ATP13A5: variants seen among roughly 807,000 people sequenced by gnomAD.
The protein encoded by ATP13A5 is probable cation-transporting ATPase 13A5.
ATP13A5 carries 149 observed loss-of-function variants against 150.2 expected under a neutral mutation model. The observed-to-expected ratio is 0.99, with a 90% CI of 0.87 to 1.14. The LOEUF is 1.14. ATP13A5 is among the 50% of genes most tolerant of loss of function. The pLI, the probability that ATP13A5 is intolerant of heterozygous loss-of-function variation, is 0.00. For missense variants in ATP13A5, 1,383 were observed against 1,449.3 expected, an observed-to-expected ratio of 0.95 and a Z score of 0.74; for synonymous variants, 497 against 522.2, an observed-to-expected ratio of 0.95 and a Z score of 0.66.
intron 17 of ATP13A5, 82 bp downstream of exon 17, chr3:193,318,909 A>T: frequency 1.1e-6 from 1 of 951,670 alleles, no homozygotes; most frequent in Non-Finnish European, 1.7e-6. Context: ...CCAGGTGATT[A>T]GAACTGTTCA....
intron 14 of ATP13A5, chr3:193,323,996 T>G (rs1487315341): frequency 2.0e-5 from 3 of 152,120 alleles, no homozygotes; most frequent in African/African-American, 7.2e-5. Flanking sequence ...GTGAACACCC[T>G]CTACTTGTTT....
At chr3:193,285,153 T>C in intron 26 of ATP13A5, 37 bp from the exon 27 acceptor site, 1 of 1,569,120 alleles carries the variant, frequency 6.4e-7, no homozygotes, top group Non-Finnish European at 8.7e-7. Context: ...AAACATTTGA[T>C]TCCATTTTTG....
chr3:193,335,903 A>G (rs1402978416), intron 9 of ATP13A5, among the ~76,000 whole-genome samples: 1 of 152,142 alleles, frequency 6.6e-6, no homozygotes, highest in Non-Finnish European at 1.5e-5. Context: ...TGGCTATAAG[A>G]CAGAATATTT....
intron 21 of ATP13A5, among the ~76,000 whole-genome samples, chr3:193,309,381 A>G (rs1405893873): frequency 6.6e-6 from 1 of 152,160 alleles, no homozygotes. Context: ...AACCTGCCCC[A>G]CTATTTCTGC....
rs553744225 is a variant in ATP13A5, at chr3:193,321,985, G to GTA, written c.1759-149_1759-148insTA. Reference sequence around the variant, plus strand: ...CAACATTGATTTTGTGTGTGTGTGTGTGGCTGCCTTAAAGTGACTCCCTCA... The same window carrying GTA: ...CAACATTGATTTTGTGTGTGTGTGTGTATGGCTGCCTTAAAGTGACTCCCTCA... On this transcript the variant is annotated intron_variant, in intron 15 of 29. Transcript: ENST00000342358. The GTA allele has an allele frequency of 1.5e-4, 148 of 956,874 alleles. No individual in the cohort carries two copies. The African/African-American group carries it at 2.1e-3, about 13-fold the overall frequency. The allele number at this position is 956,874 out of a possible 1,614,324, so 59.3% of individuals were successfully genotyped here.
intron 1 of ATP13A5, among the ~76,000 whole-genome samples, chr3:193,376,943 C>G (rs943859994): frequency 6.6e-6 from 1 of 152,154 alleles, no homozygotes; most frequent in Non-Finnish European, 1.5e-5. Context: ...CTCCCCTTCC[C>G]CACAATGAGT....
intron 7 of ATP13A5, among the ~76,000 whole-genome samples, chr3:193,350,414 G>A (rs1444039204): frequency 6.6e-6 from 1 of 152,050 alleles, no homozygotes; most frequent in African/African-American, 2.4e-5. Context: ...TGGATATTTT[G>A]ATTTAATAAG....
At chr3:193,349,750 C>G (rs893457756) in intron 7 of ATP13A5, among the ~76,000 whole-genome samples, 1 of 151,936 alleles carries the variant, frequency 6.6e-6, no homozygotes, top group Non-Finnish European at 1.5e-5. Flanking sequence ...CAATATAACT[C>G]CAGAAACTGA....
intron 13 of ATP13A5, among the ~76,000 whole-genome samples, chr3:193,326,643 T>C (rs915494688): frequency 1.5e-4 from 23 of 152,322 alleles, no homozygotes; most frequent in South Asian, 4.1e-4. Context: ...CACCTTTTTA[T>C]CCCGCTAGAC....
intron 1 of ATP13A5, among the ~76,000 whole-genome samples, chr3:193,373,678 T>C (rs951994223): frequency 6.6e-6 from 1 of 152,198 alleles, no homozygotes; most frequent in African/African-American, 2.4e-5. Flanking sequence ...ATATCTCGCA[T>C]GTGGCCCTCA....
intron 25 of ATP13A5, among the ~76,000 whole-genome samples, chr3:193,297,021 T>C (rs1179374758): frequency 6.6e-6 from 1 of 152,086 alleles, no homozygotes; most frequent in East Asian, 1.9e-4. Context: ...CTGGGCTTAA[T>C]ACCTAGGTGA....
At position 193,301,422 on chromosome 3, in the gene ATP13A5, A is replaced by G. The variant is rs181074680; in HGVS notation, c.2679-115T>C. 4 of 698,906 alleles carry G rather than the reference A, an allele frequency of 5.7e-6. No homozygotes were observed. The East Asian group carries it at 1.1e-4, about 19-fold the overall frequency. 43.3% of individuals were successfully genotyped at this position (698,906 alleles called of 1,614,324 possible). ...TAGCCTGTTGACATACATTCACTTA[A>G]TCATGAATTCATCCTCCTATTTATT... On this transcript the variant is annotated intron_variant, in intron 23 of 29. Transcript: ENST00000342358.
intron 1 of ATP13A5, among the ~76,000 whole-genome samples, chr3:193,365,410 C>G (rs529829547): frequency 1.6e-4 from 25 of 152,072 alleles, no homozygotes; most frequent in Non-Finnish European, 3.7e-4. Flanking sequence ...ATGAGGCAGC[C>G]ACTCTATTTT....
At position 193,319,072 on chromosome 3, in the gene ATP13A5, G is replaced by A. The variant is rs750724708; in HGVS notation, c.1952C>T (p.Thr651Met). The A allele has an allele frequency of 1.5e-5, 24 of 1,613,852 alleles. No homozygotes were observed. Among genetic ancestry groups the A allele is most frequent in the African/African-American group, 1.1e-4 (8 of 75,036 alleles). The change falls in exon 17 of 30, where the codon ACG becomes ATG. Residue 651 changes from threonine (T) to methionine (M), a missense_variant. Thr to Met is a moderately conservative substitution (Grantham distance 81, BLOSUM62 -1). This residue lies in a region of ATP13A5 where 28 missense variants were observed against 55.9 expected (regional missense o/e 0.50). Transcript: ENST00000342358. ...AGCAATGACACGGAAGCCTTGCACC[G>A]TGTAACTCCTCAGTTCCTGTGGGAA... is the stretch of plus-strand genomic sequence containing the variant. The part of the protein sequence containing the change: ...KNFPQELRSY[T>M]VQGFRVIALA...
At chr3:193,329,340 C>T (rs975181846) in intron 12 of ATP13A5, among the ~76,000 whole-genome samples, 2 of 152,038 alleles carry the variant, frequency 1.3e-5, no homozygotes, top group African/African-American at 2.4e-5. Context: ...TGCACTGTCA[C>T]GTGTCATCAT....
intron 24 of ATP13A5, among the ~76,000 whole-genome samples, chr3:193,300,219 T>C (rs1306864587): frequency 2.0e-5 from 3 of 152,322 alleles, no homozygotes; most frequent in Admixed American, 6.5e-5. Flanking sequence ...GGTAAAATTA[T>C]ATATTCAGAA....
rs1168834653 is a variant in ATP13A5 at position 193,321,964 on chromosome 3, A to G, written c.1759-127T>C. The G allele has an allele frequency of 4.4e-6, 5 of 1,131,688 alleles. No homozygotes were observed. In the East Asian group the frequency reaches 1.0e-4, roughly 23 times the overall value. 70.1% of individuals were successfully genotyped at this position (1,131,688 alleles called of 1,614,324 possible). A position where few individuals can be genotyped will look rare whatever the true frequency, so the allele number is the denominator to read the frequency against. On this transcript the variant is annotated intron_variant, in intron 15 of 29. Transcript: ENST00000342358. ...CTTGATGTAGTATATTTGTCACAAC[A>G]TTGATTTTGTGTGTGTGTGTGTGGC...
chr3:193,281,984 A>G (rs981977327), intron 27 of ATP13A5, among the ~76,000 whole-genome samples: 9 of 152,078 alleles, frequency 5.9e-5, no homozygotes, highest in African/African-American at 2.2e-4. Context: ...TCACGAGGTC[A>G]GGAGTTCAAG....
At chr3:193,353,982 T>C (rs1712677237) in intron 6 of ATP13A5, 145 bp downstream of exon 6, 1 of 607,162 alleles carries the variant, frequency 1.6e-6, no homozygotes, top group Non-Finnish European at 2.7e-6. Flanking sequence ...AAAGTAAACC[T>C]GAGTTTAAAA....
Sources: allele counts gnomAD v4.1 joint callset (sites outside exome capture counted in the v4.1 genomes callset), GRCh38; gene constraint gnomAD v4.1.1; regional missense constraint gnomAD v4.1.1; transcripts MANE v1.5; gene names NCBI Gene and HGNC (gene_info 2026-07-23, HGNC 2026-07-21).